The following UBE2G1 variants were observed in gnomAD, a reference collection of about 807,000 sequenced individuals.
UBE2G1 encodes the protein ubiquitin-conjugating enzyme E2 G1.
Under a neutral mutation model 22.7 loss-of-function variants are expected in UBE2G1, and 5 were observed. The observed-to-expected ratio is 0.22, with a 90% CI of 0.12 to 0.46. The LOEUF (loss-of-function observed/expected upper bound fraction) is 0.46, where lower values mean the gene tolerates loss of function less well. UBE2G1 is among the 20% of genes least tolerant of loss of function. The pLI is 0.99. For synonymous variants in UBE2G1, 74 were observed against 67.5 expected (o/e 1.10, Z -0.47); for missense variants, 88 against 203.9 (o/e 0.43, Z 3.46).
intron 1 of UBE2G1, among the ~76,000 whole-genome samples, chr17:4,348,995 T>C (rs1400955704): frequency 6.6e-6 from 1 of 152,138 alleles, no homozygotes; most frequent in Non-Finnish European, 1.5e-5. Flanking sequence ...AAGACCAGCC[T>C]GGCCAACATG....
At position 4,325,054 on chromosome 17, in the gene UBE2G1, G is replaced by C. The variant is rs370988296; in HGVS notation, c.47-17931C>G. Among the ~76,000 whole-genome samples the C allele has an allele frequency of 6.1e-3, 931 of 151,956 alleles. 5 individuals are homozygous for C. Among genetic ancestry groups the C allele is most frequent in the African/African-American group, 0.021 (877 of 41,438 alleles). On this transcript the variant is annotated intron_variant, in intron 1 of 5. Transcript: ENST00000396981. ...ATCGCGCCACTGCACTCCAGCCTGGGGGACAGAGCGAGACTCCGTCTCAAA... is the reference window on the plus strand; with the variant it reads ...ATCGCGCCACTGCACTCCAGCCTGGCGGACAGAGCGAGACTCCGTCTCAAA...
At chr17:4,309,385 T>G (rs575985190) in intron 1 of UBE2G1, among the ~76,000 whole-genome samples, 2 of 152,250 alleles carry the variant, frequency 1.3e-5, no homozygotes, top group Admixed American at 6.5e-5. Flanking sequence ...ATAGTTAAAA[T>G]CAGCTCTGTA....
At chr17:4,339,043 G>A (rs1269695004) in intron 1 of UBE2G1, among the ~76,000 whole-genome samples, 1 of 152,072 alleles carries the variant, frequency 6.6e-6, no homozygotes, top group East Asian at 1.9e-4. Context: ...TATTTTACAG[G>A]TATTCTTTCC....
chr17:4,309,462 G>A (rs375033638), intron 1 of UBE2G1, among the ~76,000 whole-genome samples: 1 of 152,136 alleles, frequency 6.6e-6, no homozygotes, highest in East Asian at 1.9e-4. Context: ...TAAAGATATT[G>A]AAAGTGCAAA....
chr17:4,302,230 A>G, intron 2 of UBE2G1: 1 of 483,640 alleles, frequency 2.1e-6, no homozygotes, highest in South Asian at 1.6e-5. Context: ...AGTGTTGTAT[A>G]TGTCGTTATC....
intron 1 of UBE2G1, among the ~76,000 whole-genome samples, chr17:4,343,201 GATT>G (rs1473757468): frequency 1.3e-5 from 2 of 152,188 alleles, no homozygotes; most frequent in African/African-American, 4.8e-5. Flanking sequence ...TCAATTTGAA[GATT>G]ATGTGTGATC....
Position 4,282,897 on chromosome 17 carries a change from C to T in UBE2G1, c.451G>A (p.Gly151Arg). 1 of 1,613,364 alleles carries T rather than the reference C, an allele frequency of 6.2e-7. No individual in the cohort carries two copies. Among genetic ancestry groups the T allele is most frequent in the Non-Finnish European group, 8.5e-7 (1 of 1,179,710 alleles). ...AAKEWREDRN[G>R]EFKRKVARCV... ...CGGGCAACTTTTCTTTTAAATTCTCCATTTCTATCTTCCCTCCATTCTTTC... is the reference window on the plus strand; with the variant it reads ...CGGGCAACTTTTCTTTTAAATTCTCTATTTCTATCTTCCCTCCATTCTTTC... Residue 151 changes from glycine (G) to arginine (R), a missense_variant, in exon 5 of 6, where the codon GGA becomes AGA. By Grantham distance (125) the Gly-to-Arg change is moderately radical (BLOSUM62 -2). Transcript: ENST00000396981.
intron 1 of UBE2G1, among the ~76,000 whole-genome samples, chr17:4,337,403 A>T (rs1969661550): frequency 6.6e-6 from 1 of 151,908 alleles, no homozygotes; most frequent in Admixed American, 6.6e-5. Flanking sequence ...CTGTAATCCC[A>T]GCACTTTGGG....
chr17:4,272,695 G>A (rs1405939275), intron 5 of UBE2G1, among the ~76,000 whole-genome samples, 179 bp from the exon 6 acceptor site: 1 of 152,158 alleles, frequency 6.6e-6, no homozygotes, highest in African/African-American at 2.4e-5. Context: ...AATTTTAAAT[G>A]TAAATTAATT....
intron 1 of UBE2G1, among the ~76,000 whole-genome samples, chr17:4,311,665 G>A (rs906521913): frequency 6.6e-6 from 1 of 152,182 alleles, no homozygotes; most frequent in Non-Finnish European, 1.5e-5. Context: ...TATAGGGATG[G>A]CGATTTAATG....
chr17:4,353,462 T>TATATAC (rs990958855), intron 1 of UBE2G1, among the ~76,000 whole-genome samples: 3 of 148,122 alleles, frequency 2.0e-5, no homozygotes, highest in African/African-American at 7.6e-5. Flanking sequence ...TATATATATA[T>TATATAC]ACACACACAC....
chr17:4,366,477 G>A lies in UBE2G1; in HGVS notation c.-161C>T. 1 of 590,128 alleles carries A rather than the reference G, an allele frequency of 1.7e-6. No individual in the cohort carries two copies. The highest frequency in any genetic ancestry group is 2.6e-6 in the Non-Finnish European group (1 of 380,560). The allele number at this position is 590,128 out of a possible 1,614,324, so 36.6% of individuals were successfully genotyped here. ...GAGGCGGCGGGAGCGGCGCCTCGCT[G>A]CCGGTGCGAGTCCGCTCGCTTCAGC... is the stretch of plus-strand genomic sequence containing the variant. On this transcript the variant is annotated 5_prime_UTR_variant, in exon 1 of 6. Transcript: ENST00000396981.
At chr17:4,320,030 A>G (rs1036740167) in intron 1 of UBE2G1, among the ~76,000 whole-genome samples, 4 of 151,866 alleles carry the variant, frequency 2.6e-5, no homozygotes, top group Admixed American at 1.3e-4. Flanking sequence ...GTGTGTGTGT[A>G]TTATTTTCTT....
At chr17:4,320,157 TAA>T (rs888138207) in intron 1 of UBE2G1, among the ~76,000 whole-genome samples, 24 of 152,148 alleles carry the variant, frequency 1.6e-4, no homozygotes, top group Admixed American at 1.2e-3. Context: ...ATTTCTATGT[TAA>T]AAAAGAATAA....
At chr17:4,323,817 A>C (rs1302482369) in intron 1 of UBE2G1, among the ~76,000 whole-genome samples, 1 of 152,180 alleles carries the variant, frequency 6.6e-6, no homozygotes, top group Non-Finnish European at 1.5e-5. Flanking sequence ...TCCTGGGATT[A>C]CAGGTGTGAG....
At chr17:4,360,143 GC>G (rs1355002040) in intron 1 of UBE2G1, among the ~76,000 whole-genome samples, 1 of 151,946 alleles carries the variant, frequency 6.6e-6, no homozygotes, top group Admixed American at 6.6e-5. Flanking sequence ...GTTTCCATAA[GC>G]CCACACTTCC....
intron 5 of UBE2G1, among the ~76,000 whole-genome samples, chr17:4,279,785 T>TTATATATATATATA (rs71144177): frequency 5.2e-4 from 36 of 68,850 alleles, no homozygotes; most frequent in South Asian, 5.9e-4. Flanking sequence ...CAAAAAAAAG[T>TTATATATATATATA]TATATATATA....
chr17:4,307,957 CTTAATA>C (rs1313245962), intron 1 of UBE2G1, among the ~76,000 whole-genome samples: 1 of 152,188 alleles, frequency 6.6e-6, no homozygotes, highest in Non-Finnish European at 1.5e-5. Flanking sequence ...AGACACCAGA[CTTAATA>C]AAGTACTGGC....
At chr17:4,278,451 A>AG (rs1036550242) in intron 5 of UBE2G1, among the ~76,000 whole-genome samples, 6 of 152,062 alleles carry the variant, frequency 3.9e-5, no homozygotes, top group Non-Finnish European at 8.8e-5. Context: ...AAAAATAAAA[A>AG]AAAATCTTGA....
Sources: gnomAD v4.1 joint callset for allele counts (sites outside exome capture counted in the v4.1 genomes callset) on GRCh38, gnomAD v4.1.1 for gene constraint, MANE v1.5 for transcripts, NCBI Gene and HGNC (gene_info 2026-07-23, HGNC 2026-07-21) for gene names.